Variants in ARHGAP15 observed in about 807,000 individuals in gnomAD.
ARHGAP15 encodes the protein rho GTPase-activating protein 15.
Under a neutral mutation model 63.7 loss-of-function variants are expected in ARHGAP15, and 51 were observed. That is an observed-to-expected ratio of 0.80 (90% CI 0.64 to 1.01). The LOEUF (loss-of-function observed/expected upper bound fraction) is 1.01. Among genes scored for constraint, ARHGAP15 ranks in the 50% least tolerant of loss-of-function variants. ARHGAP15 has a pLI of 0.00. For missense variants in ARHGAP15, 560 were observed against 564.6 expected, an observed-to-expected ratio of 0.99 and a Z score of 0.08; for synonymous variants, 191 against 193.8, an observed-to-expected ratio of 0.99 and a Z score of 0.12.
At chr2:143,716,425 C>T (rs751036402) in intron 13 of ARHGAP15, among the ~76,000 whole-genome samples, 8 of 152,192 alleles carry the variant, frequency 5.3e-5, no homozygotes, top group Non-Finnish European at 1.2e-4. Flanking sequence ...ATTTCTACAT[C>T]TTCTGTCATA....
intron 13 of ARHGAP15, among the ~76,000 whole-genome samples, chr2:143,735,672 C>T (rs562804328): frequency 2.6e-5 from 4 of 152,220 alleles, no homozygotes; most frequent in South Asian, 4.2e-4. Context: ...GACACAGGCC[C>T]ACTCAACCAC....
intron 6 of ARHGAP15, among the ~76,000 whole-genome samples, chr2:143,320,418 C>CTG (rs1683965679): frequency 1.0e-5 from 1 of 96,112 alleles, no homozygotes; most frequent in African/African-American, 3.9e-5. Context: ...ACCCCCCCCC[C>CTG]CCCCAGAGAT....
chr2:143,506,550 C>G (rs1693334070), intron 9 of ARHGAP15, among the ~76,000 whole-genome samples: 1 of 152,124 alleles, frequency 6.6e-6, no homozygotes, highest in South Asian at 2.1e-4. Flanking sequence ...GAGAAGGTAG[C>G]AGAACTTAAC....
chr2:143,555,154 T>G (rs1256173574), intron 10 of ARHGAP15, among the ~76,000 whole-genome samples: 4 of 152,158 alleles, frequency 2.6e-5, no homozygotes, highest in Admixed American at 1.3e-4. Context: ...ATGTTATAAG[T>G]GATGTTATTC....
intron 6 of ARHGAP15, among the ~76,000 whole-genome samples, chr2:143,405,602 T>G (rs1049010958): frequency 7.9e-5 from 12 of 151,920 alleles, no homozygotes; most frequent in African/African-American, 2.7e-4. Context: ...TGTCCCTCAT[T>G]TTATATAACA....
At chr2:143,170,267 A>G (rs1399894892) in intron 2 of ARHGAP15, among the ~76,000 whole-genome samples, 1 of 152,160 alleles carries the variant, frequency 6.6e-6, no homozygotes, top group Non-Finnish European at 1.5e-5. Context: ...CCTCAGCTAC[A>G]ATTCACAGTG....
At chr2:143,171,077 A>T (rs956125316) in intron 2 of ARHGAP15, among the ~76,000 whole-genome samples, 1 of 152,184 alleles carries the variant, frequency 6.6e-6, no homozygotes, top group Non-Finnish European at 1.5e-5. Flanking sequence ...GAATAGCAAC[A>T]ACAAAAAAAT....
intron 6 of ARHGAP15, among the ~76,000 whole-genome samples, chr2:143,318,571 A>G (rs1414719586): frequency 1.8e-5 from 2 of 111,588 alleles, no homozygotes; most frequent in African/African-American, 3.5e-5. Context: ...ATCTTTTCCT[A>G]TATTCAAAAG....
intron 11 of ARHGAP15, among the ~76,000 whole-genome samples, chr2:143,580,243 G>A (rs1696841907): frequency 6.6e-6 from 1 of 151,838 alleles, no homozygotes; most frequent in African/African-American, 2.4e-5. Flanking sequence ...AATTTTTTCA[G>A]AGATTTGTGC....
chr2:143,451,587 A>G (rs763341836), intron 8 of ARHGAP15, among the ~76,000 whole-genome samples: 1 of 152,000 alleles, frequency 6.6e-6, no homozygotes. Flanking sequence ...AAAAGTAGAC[A>G]TATTTAAATA....
At chr2:143,735,151 C>G (rs1685696066) in intron 13 of ARHGAP15, among the ~76,000 whole-genome samples, 1 of 152,124 alleles carries the variant, frequency 6.6e-6, no homozygotes, top group African/African-American at 2.4e-5. Context: ...CTTTTTCTCT[C>G]CTAAATATTT....
chr2:143,622,505 T>G (rs895761347), intron 11 of ARHGAP15, among the ~76,000 whole-genome samples: 14 of 152,164 alleles, frequency 9.2e-5, no homozygotes, highest in Non-Finnish European at 1.5e-4. Flanking sequence ...CCTGCTAAGA[T>G]GCTGTCGGCC....
chr2:143,243,908 C>T (rs148012280), intron 5 of ARHGAP15, among the ~76,000 whole-genome samples: 1,674 of 152,104 alleles, frequency 0.011, 12 homozygotes, highest in Non-Finnish European at 0.019. Context: ...CTTTTTAAAG[C>T]GAATATATTT....
intron 2 of ARHGAP15, among the ~76,000 whole-genome samples, chr2:143,160,972 C>T (rs755886726): frequency 6.6e-6 from 1 of 151,966 alleles, no homozygotes; most frequent in Non-Finnish European, 1.5e-5. Context: ...TTATAATCTC[C>T]TACTGATAGA....
chr2:143,640,608 G>T (rs114289652), intron 12 of ARHGAP15: 16 of 152,090 alleles, frequency 1.1e-4, no homozygotes, highest in Non-Finnish European at 2.9e-5. Context: ...AATGAATTTT[G>T]CAGTCTTCAA....
At chr2:143,525,560 G>A (rs866775239) in intron 10 of ARHGAP15, among the ~76,000 whole-genome samples, 2 of 152,052 alleles carry the variant, frequency 1.3e-5, no homozygotes, top group Non-Finnish European at 2.9e-5. Flanking sequence ...AAAGTTTGCA[G>A]TGAATCTCCT....
chr2:143,677,231 G>A (rs893454254), intron 12 of ARHGAP15, among the ~76,000 whole-genome samples: 2 of 152,236 alleles, frequency 1.3e-5, no homozygotes, highest in Non-Finnish European at 2.9e-5. Flanking sequence ...AGCTTGCTCA[G>A]GGATTTATGT....
chr2:143,591,722 C>T (rs999404668), intron 11 of ARHGAP15, among the ~76,000 whole-genome samples: 4 of 151,214 alleles, frequency 2.6e-5, no homozygotes, highest in African/African-American at 7.3e-5. Context: ...CAGGTTCAAG[C>T]GATTCTCCTG....
intron 12 of ARHGAP15, among the ~76,000 whole-genome samples, chr2:143,652,778 G>A (rs1681238592): frequency 6.6e-6 from 1 of 151,926 alleles, no homozygotes; most frequent in African/African-American, 2.4e-5. Flanking sequence ...CTGCAACATT[G>A]CAATACTCAA....
Sources: gnomAD v4.1 joint callset for allele counts (sites outside exome capture counted in the v4.1 genomes callset) on GRCh38, gnomAD v4.1.1 for gene constraint, MANE v1.5 for transcripts, NCBI Gene and HGNC (gene_info 2026-07-23, HGNC 2026-07-21) for gene names.